Variants in PCGF3 observed in about 807,000 individuals in gnomAD.
PCGF3 encodes the protein polycomb group RING finger protein 3.
Under a neutral mutation model 33.1 loss-of-function variants are expected in PCGF3, and 7 were observed. The ratio of observed to expected loss-of-function variants is 0.21; its 90% CI spans 0.12 to 0.40. The LOEUF is 0.40. PCGF3 is among the 10% of genes least tolerant of loss of function. The probability of loss-of-function intolerance (pLI) is 1.00; values close to 1 mark genes in which losing one functional copy is unlikely to be tolerated. For missense variants in PCGF3, 211 were observed against 313.3 expected, an observed-to-expected ratio of 0.67 and a Z score of 2.46; for synonymous variants, 153 against 121.3, an observed-to-expected ratio of 1.26 and a Z score of -1.72.
At chr4:707,934 C>A (rs186971054) in intron 1 of PCGF3, among the ~76,000 whole-genome samples, 1 of 76,776 alleles carries the variant, frequency 1.3e-5, no homozygotes, top group African/African-American at 4.1e-5. Flanking sequence ...CTGGGACAGC[C>A]CTGTTTTCCC....
intron 9 of PCGF3, among the ~76,000 whole-genome samples, chr4:763,015 T>C (rs1745151411): frequency 6.7e-6 from 1 of 150,264 alleles, no homozygotes; most frequent in South Asian, 2.1e-4. Flanking sequence ...TGTCAGGTCA[T>C]GGGGGGCCAA....
In PCGF3 at chr4:733,059, G is replaced by GCGTGCTGCCTCCGCCCCTGCCC. The variant is rs367602625; in HGVS notation, c.-9-579_-9-558dup. Among the ~76,000 whole-genome samples the GCGTGCTGCCTCCGCCCCTGCCC allele has an allele frequency of 8.4e-3, 1,229 of 146,264 alleles. 18 individuals carry two copies. Among genetic ancestry groups the GCGTGCTGCCTCCGCCCCTGCCC allele is most frequent in the Admixed American group, 0.026 (389 of 14,706 alleles). ...GTGAGGGTAGGGTGGGGCCCCTGCCGCGTGCTGCCTCCGCCCCTGCCCCGT... is the reference window on the plus strand; with the variant it reads ...GTGAGGGTAGGGTGGGGCCCCTGCCGCGTGCTGCCTCCGCCCCTGCCCCGTGCTGCCTCCGCCCCTGCCCCGT... On this transcript the variant is annotated intron_variant, in intron 3 of 10. Transcript: ENST00000362003.
Position 741,361 on chromosome 4 carries a change from C to T in PCGF3, c.263-2113C>T, listed in dbSNP as rs117180151. Among the ~76,000 whole-genome samples, 232 of 152,290 alleles carry T rather than the reference C, an allele frequency of 1.5e-3. 4 individuals carry two copies. In the East Asian group the frequency reaches 0.038, roughly 25 times the overall value. The stretch of plus-strand genomic sequence containing the variant: ...AGCTCCTCAGATCAGGCTGGACTGC[C>T]GCAGCTCAAGAGCAATGTCCAGAGA... On this transcript the variant is annotated intron_variant, in intron 6 of 10. Coordinates refer to ENST00000362003, the Ensembl canonical transcript of PCGF3.
intron 1 of PCGF3, among the ~76,000 whole-genome samples, chr4:709,181 C>T (rs530448209): frequency 1.1e-4 from 17 of 152,140 alleles, no homozygotes; most frequent in East Asian, 3.9e-4. Flanking sequence ...CTTGGTGTGC[C>T]GTACATTCCC....
At chr4:768,815 G>C (rs1375865072) in exon 11 of PCGF3, 3 of 152,548 alleles carry the variant, frequency 2.0e-5, no homozygotes, top group Non-Finnish European at 2.9e-5. Context: ...GAGATGTTTT[G>C]CAAGCTTCTT....
intron 8 of PCGF3, among the ~76,000 whole-genome samples, chr4:749,807 C>G (rs1443752219): frequency 6.6e-6 from 1 of 151,760 alleles, no homozygotes; most frequent in Admixed American, 6.6e-5. Flanking sequence ...TTTCTGACAT[C>G]TTGAGTTAAA....
At chr4:764,849 C>CA (rs1014731186) in intron 9 of PCGF3, 135 bp from the exon 10 acceptor site, 4 of 598,384 alleles carry the variant, frequency 6.7e-6, no homozygotes, top group African/African-American at 2.0e-5. Flanking sequence ...CATGAACCAG[C>CA]CCCCCCCACC....
chr4:715,277 C>T (rs1037535699), intron 1 of PCGF3, among the ~76,000 whole-genome samples: 2 of 143,194 alleles, frequency 1.4e-5, no homozygotes, highest in Non-Finnish European at 3.1e-5. Context: ...ACCCTGTAGA[C>T]ACTCAATGTG....
At chr4:712,751 ACT>A (rs963627189) in intron 1 of PCGF3, among the ~76,000 whole-genome samples, 2 of 151,996 alleles carry the variant, frequency 1.3e-5, no homozygotes, top group Non-Finnish European at 2.9e-5. Flanking sequence ...CGGCCAATAA[ACT>A]CTAATATTTA....
At chr4:734,430 C>A (rs1488087166) in intron 4 of PCGF3, 2 of 1,299,294 alleles carry the variant, frequency 1.5e-6, no homozygotes, top group Non-Finnish European at 2.0e-6. Context: ...ACAAGTGATG[C>A]TTGTGTATTT....
chr4:765,242 G>A (rs528976670), intron 10 of PCGF3, among the ~76,000 whole-genome samples, 178 bp downstream of exon 10: 7 of 152,168 alleles, frequency 4.6e-5, no homozygotes, highest in African/African-American at 1.4e-4. Flanking sequence ...GACAATCCTG[G>A]CTAACATGGT....
chr4:734,727 G>C (rs540365333), intron 4 of PCGF3: 2 of 1,358,982 alleles, frequency 1.5e-6, no homozygotes, highest in South Asian at 3.6e-5. Flanking sequence ...GAAGCCCATT[G>C]ACGGGGCAAT....
chr4:731,072 G>GC lies in PCGF3; in HGVS notation c.-44dup, dbSNP rs1743534850. 5 of 398,516 alleles carry GC rather than the reference G, an allele frequency of 1.3e-5. No homozygotes were observed. Among genetic ancestry groups the GC allele is most frequent in the Middle Eastern group, 6.2e-4 (1 of 1,614 alleles). The allele number at this position is 398,516 out of a possible 1,614,324, so 24.7% of individuals were successfully genotyped here. A position where few individuals can be genotyped will look rare whatever the true frequency, so the allele number is the denominator to read the frequency against. On this transcript the variant is annotated 5_prime_UTR_variant, in exon 3 of 11. The change abolishes the stop of an existing upstream ORF in the 5' untranslated region. Transcript: ENST00000362003. ...GGGAGTGCTGGCCTGAAGCCTCCAT[G>GC]CCCCGGCAGAGGGACGGACACGCGG...
At chr4:764,059 C>T (rs150516531) in intron 9 of PCGF3, among the ~76,000 whole-genome samples, 172 of 152,166 alleles carry the variant, frequency 1.1e-3, no homozygotes, top group Middle Eastern at 6.8e-3. Context: ...TAGGAGTGGG[C>T]GGGCACAGGG....
At chr4:762,779 A>T (rs1180802731) in intron 9 of PCGF3, 1 of 152,198 alleles carries the variant, frequency 6.6e-6, no homozygotes, top group East Asian at 1.9e-4. Context: ...TCTGGAACTG[A>T]GTACATTTCT....
intron 3 of PCGF3, among the ~76,000 whole-genome samples, chr4:732,953 T>TGGTG (rs1035833739): frequency 2.0e-4 from 30 of 152,322 alleles, no homozygotes; most frequent in Non-Finnish European, 3.5e-4. Flanking sequence ...GGCGCAGGTC[T>TGGTG]GGTGGGCGAG....
At chr4:711,716 C>G (rs1266822215) in intron 1 of PCGF3, among the ~76,000 whole-genome samples, 1 of 151,820 alleles carries the variant, frequency 6.6e-6, no homozygotes, top group African/African-American at 2.4e-5. Flanking sequence ...CTCGGCCTCC[C>G]AAAGTGCTGG....
chr4:743,377 T>C (rs868844130), intron 6 of PCGF3, 97 bp from the exon 7 acceptor site: 2 of 720,142 alleles, frequency 2.8e-6, no homozygotes, highest in Middle Eastern at 4.8e-4. Flanking sequence ...AACTTCATAA[T>C]GCAAATCCCT....
rs1745036035 is a variant in PCGF3, at chr4:761,190, G to A, written c.463-89G>A. 1.2e-5 allele frequency: 13 copies of A among 1,126,458 alleles called. 1 individual carries two copies. In the South Asian group the frequency reaches 2.4e-4, roughly 21 times the overall value. The allele number at this position is 1,126,458 out of a possible 1,614,324, so 69.8% of individuals were successfully genotyped here. ...TCAAAAAGGTCAGCAGTCCTAGATT[G>A]AGGAATTAGTGAAATATGTCTAAGG... is the stretch of plus-strand genomic sequence containing the variant. On this transcript the variant is annotated intron_variant, in intron 8 of 10. Coordinates refer to ENST00000362003, the Ensembl canonical transcript of PCGF3.
Sources: allele counts gnomAD v4.1 joint callset (sites outside exome capture counted in the v4.1 genomes callset), GRCh38; gene constraint gnomAD v4.1.1; transcripts MANE v1.5; gene names NCBI Gene and HGNC (gene_info 2026-07-23, HGNC 2026-07-21).